CHODL: variants seen among roughly 807,000 people sequenced by gnomAD.
CHODL encodes the protein transmembrane protein MT75.
In CHODL, 29 loss-of-function variants were observed where a neutral mutation model predicts 34.5. The observed-to-expected ratio is 0.84, with a 90% CI of 0.63 to 1.15. The LOEUF (loss-of-function observed/expected upper bound fraction) is 1.15. CHODL is among the 50% of genes most tolerant of loss of function. The probability of loss-of-function intolerance (pLI) is 0.00; values close to 1 mark genes in which losing one functional copy is unlikely to be tolerated. For synonymous variants in CHODL, 125 were observed against 116.1 expected (o/e 1.08, Z -0.49); for missense variants, 332 against 332.5 (o/e 1.00, Z 0.01).
chr21:17,961,067 T>C (rs1294046629), intron 1 of CHODL, among the ~76,000 whole-genome samples: 2 of 152,194 alleles, frequency 1.3e-5, no homozygotes, highest in Non-Finnish European at 2.9e-5. Flanking sequence ...TCATCCCCTA[T>C]ATTCCGAGTG....
Position 18,069,136 on chromosome 21 carries a change from GTTAATA to G in CHODL, c.-45+41171_-45+41176del, listed in dbSNP as rs1221134073. Among the ~76,000 whole-genome samples, 15 of 152,110 alleles carry G rather than the reference GTTAATA, an allele frequency of 9.9e-5. 2 individuals are homozygous for G. Among genetic ancestry groups the G allele is most frequent in the Admixed American group, 7.9e-4 (12 of 15,268 alleles). On this transcript the variant is annotated intron_variant, in intron 2 of 6. Transcript: ENST00000400127. The stretch of plus-strand genomic sequence containing the variant: ...ATTTCTAGAATAATTATAAGAAAAT[GTTAATA>G]TTAATTATCTTTCGGGGGAAACATA...
intron 2 of CHODL, among the ~76,000 whole-genome samples, chr21:18,056,951 C>T (rs182016661): frequency 6.6e-6 from 1 of 152,132 alleles, no homozygotes; most frequent in East Asian, 1.9e-4. Flanking sequence ...TATTTCTGCT[C>T]ATGATTTAGA....
chr21:17,926,160 TTCA>T (rs1390375621), intron 1 of CHODL, among the ~76,000 whole-genome samples: 1 of 152,202 alleles, frequency 6.6e-6, no homozygotes, highest in Admixed American at 6.5e-5. Context: ...ACAGACAGCT[TTCA>T]TATTAGTCCA....
intron 1 of CHODL, among the ~76,000 whole-genome samples, chr21:17,970,066 A>G (rs2063602325): frequency 6.6e-6 from 1 of 152,184 alleles, no homozygotes; most frequent in Non-Finnish European, 1.5e-5. Context: ...GATCCTGGGT[A>G]TTCACTCTCG....
At chr21:18,048,931 A>T (rs285953) in intron 2 of CHODL, among the ~76,000 whole-genome samples, 22,203 of 151,648 alleles carry the variant, frequency 0.15, 3,771 homozygotes, top group African/African-American at 0.42. Flanking sequence ...CATTTTTTTA[A>T]AAAAAATAGA....
At chr21:18,039,883 T>C (rs566068072) in intron 2 of CHODL, among the ~76,000 whole-genome samples, 18 of 151,766 alleles carry the variant, frequency 1.2e-4, no homozygotes, top group Non-Finnish European at 2.5e-4. Context: ...TTAACTCCAG[T>C]AAAAGGAATT....
In CHODL at chr21:18,145,435, C is replaced by CAAAAAAAAAA. The variant is rs10671177; in HGVS notation, c.-44-111061_-44-111052dup. 3.3e-5 allele frequency among the ~76,000 whole-genome samples: 2 copies of CAAAAAAAAAA among 60,886 alleles called. 1 individual carries two copies. Among genetic ancestry groups the CAAAAAAAAAA allele is most frequent in the African/African-American group, 1.1e-4 (2 of 18,940 alleles). The allele number at this position is 60,886 out of a possible 152,430, so 39.9% of individuals were successfully genotyped here. ...CTAGGGGACGAGTGAGACTACCTTTCAAAAAAAAAAAAAAAAAAAAAAGCG... is the reference window on the plus strand; with the variant it reads ...CTAGGGGACGAGTGAGACTACCTTTCAAAAAAAAAAAAAAAAAAAAAAAAAAAAAAAAGCG... On this transcript the variant is annotated intron_variant, in intron 2 of 6. Transcript: ENST00000400127.
intron 2 of CHODL, among the ~76,000 whole-genome samples, chr21:18,126,454 G>A (rs973534061): frequency 3.3e-5 from 5 of 152,140 alleles, no homozygotes; most frequent in African/African-American, 1.2e-4. Context: ...TATTACGGTT[G>A]TCTACAACCA....
chr21:18,203,794 A>G (rs1333679753), intron 2 of CHODL, among the ~76,000 whole-genome samples: 2 of 152,170 alleles, frequency 1.3e-5, no homozygotes, highest in Non-Finnish European at 2.9e-5. Flanking sequence ...ATATAATTTC[A>G]GTTAAAAGAA....
chr21:18,121,137 C>G (rs1221490386), intron 2 of CHODL, among the ~76,000 whole-genome samples: 1 of 152,088 alleles, frequency 6.6e-6, no homozygotes, highest in Non-Finnish European at 1.5e-5. Context: ...TCTACACATT[C>G]TCTTGTGATT....
At position 18,201,170 on chromosome 21, in the gene CHODL, C is replaced by T. The variant is rs981960461; in HGVS notation, c.-44-55339C>T. Among the ~76,000 whole-genome samples, 9 of 152,140 alleles carry T rather than the reference C, an allele frequency of 5.9e-5. No individual in the cohort carries two copies. The South Asian group carries it at 6.2e-4, about 11-fold the overall frequency. Reference sequence around the variant, plus strand: ...AACACAAAGATATGAACCAGGCTATCGGATTAATGAAGCTGAGTTTATTCC... The same window carrying T: ...AACACAAAGATATGAACCAGGCTATTGGATTAATGAAGCTGAGTTTATTCC... On this transcript the variant is annotated intron_variant, in intron 2 of 6. Transcript: ENST00000400127.
chr21:18,033,220 T>C (rs2064268532), intron 2 of CHODL, among the ~76,000 whole-genome samples: 1 of 151,872 alleles, frequency 6.6e-6, no homozygotes. Context: ...ATTTAAGGAA[T>C]AGGTAATGCA....
At chr21:18,242,759 G>T (rs145354019), upstream of CHODL, among the ~76,000 whole-genome samples, 303 of 152,242 alleles carry the variant, frequency 2.0e-3, 3 homozygotes, top group African/African-American at 6.9e-3. Flanking sequence ...ATAAGAAACT[G>T]TATGTTAGGA....
At position 18,256,506 on chromosome 21, in the gene CHODL, C is replaced by G. The variant is rs750869024; in HGVS notation, c.80-3C>G. On this transcript the variant is annotated splice_region_variant and splice_polypyrimidine_tract_variant and intron_variant, in intron 1 of 5. Coordinates refer to ENST00000299295, the MANE Select transcript of CHODL (RefSeq NM_024944.3). ...TATATGGGCATCTTTTTTTTTTTTT[C>G]AGGCCAAAAGGTGTGTTTTGCTGAC... 11 of 1,479,842 alleles carry G rather than the reference C, an allele frequency of 7.4e-6. No homozygotes were observed. In the Admixed American group the frequency reaches 2.5e-4, roughly 33 times the overall value. The allele number at this position is 1,479,842 out of a possible 1,614,324, so 91.7% of individuals were successfully genotyped here.
chr21:18,092,293 C>A (rs566820577), intron 2 of CHODL, among the ~76,000 whole-genome samples: 7 of 152,302 alleles, frequency 4.6e-5, no homozygotes, highest in African/African-American at 1.7e-4. Context: ...TGTGCAAAAA[C>A]CACAGCATTA....
At chr21:18,167,468 C>T (rs1257945855) in intron 2 of CHODL, among the ~76,000 whole-genome samples, 1 of 151,702 alleles carries the variant, frequency 6.6e-6, no homozygotes, top group Non-Finnish European at 1.5e-5. Context: ...CACCACCACG[C>T]CCGGCTAATT....
intron 1 of CHODL, among the ~76,000 whole-genome samples, chr21:17,958,972 C>T (rs971331449): frequency 6.6e-6 from 1 of 152,004 alleles, no homozygotes; most frequent in African/African-American, 2.4e-5. Flanking sequence ...TTTTCCTCTC[C>T]TTAGGTTTCT....
At chr21:18,142,397 A>ATTTTCT in intron 2 of CHODL, among the ~76,000 whole-genome samples, 1 of 152,200 alleles carries the variant, frequency 6.6e-6, no homozygotes, top group Non-Finnish European at 1.5e-5. Context: ...GGCTATGAAT[A>ATTTTCT]TTAAAGAAAG....
At chr21:18,206,862 CCATTAT>C (rs756453436) in intron 2 of CHODL, among the ~76,000 whole-genome samples, 8 of 80,538 alleles carry the variant, frequency 9.9e-5, no homozygotes, top group South Asian at 5.3e-4. Context: ...ATCTTATAAC[CCATTAT>C]TATTATTATT....
Sources: allele counts gnomAD v4.1 joint callset (sites outside exome capture counted in the v4.1 genomes callset), GRCh38; gene constraint gnomAD v4.1.1; transcripts MANE v1.5; gene names NCBI Gene and HGNC (gene_info 2026-07-23, HGNC 2026-07-21).